Variants in CLIP2 observed in about 807,000 individuals in gnomAD.
The protein encoded by CLIP2 is CAP-Gly domain containing linker protein 2.
A neutral mutation model predicts 111.7 loss-of-function variants in CLIP2; 41 were observed. That is an observed-to-expected ratio of 0.37 (90% CI 0.29 to 0.48). CLIP2 has a LOEUF of 0.48. CLIP2 is among the 20% of genes least tolerant of loss of function. The pLI, the probability that CLIP2 is intolerant of heterozygous loss-of-function variation, is 0.99. For synonymous variants in CLIP2, 660 were observed against 644.2 expected, an observed-to-expected ratio of 1.02 and a Z score of -0.37; for missense variants, 1,160 against 1,422.1, an observed-to-expected ratio of 0.82 and a Z score of 2.96.
chr7:74,375,751 C>G, intron 9 of CLIP2, 136 bp from the exon 10 acceptor site: 1 of 680,362 alleles, frequency 1.5e-6, no homozygotes, highest in Non-Finnish European at 2.4e-6. Context: ...GAGCGCCTTT[C>G]CCTTCCCATG....
chr7:74,389,149 C>G lies in CLIP2; in HGVS notation c.2610C>G (p.Leu870=), dbSNP rs1303319081. ...CAGGCGAGAAGAAGGTGGACGCCCT[C>G]CTGAAGGAGAAGCGGCGCCTGGAGG... The part of the protein sequence containing the change: ...CKSGEKKVDA[L]LKEKRRLEAE... Residue 870 remains leucine (L), a synonymous_variant, in exon 13 of 17, where the codon CTC becomes CTG. Transcript: ENST00000223398. 3.1e-6 allele frequency: 5 copies of G among 1,613,546 alleles called. No individual in the cohort carries two copies. The highest frequency in any genetic ancestry group is 4.2e-6 in the Non-Finnish European group (5 of 1,179,908).
intron 11 of CLIP2, chr7:74,381,567 C>T (rs1554313924): frequency 2.2e-6 from 1 of 455,546 alleles, no homozygotes; most frequent in Non-Finnish European, 4.4e-6. Context: ...GTTCTCTATT[C>T]TTCCCTCCCT....
intron 3 of CLIP2, among the ~76,000 whole-genome samples, chr7:74,339,881 A>G (rs1203518020): frequency 6.6e-6 from 1 of 151,838 alleles, no homozygotes; most frequent in Non-Finnish European, 1.5e-5. Context: ...TGAGCCCAGG[A>G]GTTCAAGACC....
At chr7:74,342,369 C>G (rs1257426115) in intron 3 of CLIP2, among the ~76,000 whole-genome samples, 4 of 132,056 alleles carry the variant, frequency 3.0e-5, no homozygotes, top group African/African-American at 1.1e-4. Flanking sequence ...GAGCGAGACT[C>G]TGTCTCAAAA....
At chr7:74,369,210 G>A (rs1554311399) in intron 8 of CLIP2, among the ~76,000 whole-genome samples, 2 of 152,106 alleles carry the variant, frequency 1.3e-5, no homozygotes, top group East Asian at 3.9e-4. Flanking sequence ...AATTAGCTGG[G>A]CATGGTGGTG....
intron 1 of CLIP2, among the ~76,000 whole-genome samples, chr7:74,297,424 C>G (rs1554726238): frequency 6.6e-6 from 1 of 152,032 alleles, no homozygotes; most frequent in African/African-American, 2.4e-5. Flanking sequence ...TTGCAGTGAG[C>G]CATGATTGTG....
intron 1 of CLIP2, among the ~76,000 whole-genome samples, chr7:74,310,738 G>A (rs1354090282): frequency 6.6e-6 from 1 of 151,486 alleles, no homozygotes; most frequent in Non-Finnish European, 1.5e-5. Flanking sequence ...TTGAGACAAG[G>A]TCTCACTTTG....
At chr7:74,323,369 A>C (rs527597425) in intron 2 of CLIP2, among the ~76,000 whole-genome samples, 2 of 150,614 alleles carry the variant, frequency 1.3e-5, no homozygotes, top group African/African-American at 4.9e-5. Context: ...ACCTCAGCCT[A>C]CCAAAGGGCG....
chr7:74,368,707 A>G (rs141643709), intron 8 of CLIP2, among the ~76,000 whole-genome samples: 1 of 152,070 alleles, frequency 6.6e-6, no homozygotes, highest in East Asian at 1.9e-4. Context: ...CATTCTCCAC[A>G]CTGAATCTAG....
chr7:74,307,872 T>C (rs1788538079), intron 1 of CLIP2, among the ~76,000 whole-genome samples: 1 of 150,968 alleles, frequency 6.6e-6, no homozygotes, highest in Non-Finnish European at 1.5e-5. Flanking sequence ...TCCCTGGGAG[T>C]AGTGTTTCTG....
chr7:74,335,446 C>T (rs1334006635), intron 2 of CLIP2, among the ~76,000 whole-genome samples: 1 of 152,106 alleles, frequency 6.6e-6, no homozygotes, highest in Non-Finnish European at 1.5e-5. Flanking sequence ...CCTCCTGTTT[C>T]AGCTTCCCGA....
chr7:74,349,964 T>C (rs1251428874), intron 3 of CLIP2, among the ~76,000 whole-genome samples: 2 of 152,018 alleles, frequency 1.3e-5, no homozygotes, highest in African/African-American at 2.4e-5. Flanking sequence ...TCTGTAGCGA[T>C]AGGATAGAAA....
intron 2 of CLIP2, among the ~76,000 whole-genome samples, chr7:74,318,592 A>G (rs1788854007): frequency 6.6e-6 from 1 of 152,124 alleles, no homozygotes; most frequent in East Asian, 1.9e-4. Context: ...GGGCGCCTAT[A>G]GTCCCAGCTA....
intron 2 of CLIP2, among the ~76,000 whole-genome samples, chr7:74,337,048 G>C (rs1481547060): frequency 1.3e-5 from 2 of 151,782 alleles, no homozygotes; most frequent in Non-Finnish European, 2.9e-5. Flanking sequence ...ACCACATCCG[G>C]CTAATTTTTT....
chr7:74,384,957 C>A, intron 11 of CLIP2, among the ~76,000 whole-genome samples: 1 of 151,294 alleles, frequency 6.6e-6, no homozygotes, highest in Non-Finnish European at 1.5e-5. Flanking sequence ...GCCTGGGAAA[C>A]ATAGTGAGAC....
At chr7:74,302,021 T>C (rs1409618132) in intron 1 of CLIP2, among the ~76,000 whole-genome samples, 2 of 152,024 alleles carry the variant, frequency 1.3e-5, no homozygotes, top group African/African-American at 4.8e-5. Context: ...CCTTATTGAC[T>C]CATTCTAATG....
At chr7:74,400,599 G>A in intron 15 of CLIP2, 44 bp downstream of exon 15, 1 of 1,487,364 alleles carries the variant, frequency 6.7e-7, no homozygotes, top group Non-Finnish European at 9.0e-7. Flanking sequence ...AAGCCACGGG[G>A]CAGTGTCCTC....
intron 2 of CLIP2, among the ~76,000 whole-genome samples, chr7:74,335,270 CA>C (rs36136697): frequency 2.3e-3 from 234 of 99,878 alleles, no homozygotes; most frequent in African/African-American, 7.9e-3. Flanking sequence ...GACTCCATCT[CA>C]AAAAAAAAAA....
At chr7:74,391,357 G>A (rs1464210829) in intron 13 of CLIP2, among the ~76,000 whole-genome samples, 1 of 152,076 alleles carries the variant, frequency 6.6e-6, no homozygotes, top group Admixed American at 6.6e-5. Flanking sequence ...AAATAGTTTT[G>A]TTATTATTAC....
Sources: allele counts gnomAD v4.1 joint callset (sites outside exome capture counted in the v4.1 genomes callset), GRCh38; gene constraint gnomAD v4.1.1; transcripts MANE v1.5; gene names NCBI Gene and HGNC (gene_info 2026-07-23, HGNC 2026-07-21).